The following NOTCH4 variants were observed in gnomAD, a reference collection of about 807,000 sequenced individuals.
NOTCH4 encodes neurogenic locus notch homolog protein 4.
Under a neutral mutation model 189.0 loss-of-function variants are expected in NOTCH4, and 138 were observed. That is an observed-to-expected ratio of 0.73 (90% CI 0.64 to 0.84). NOTCH4 has a LOEUF of 0.84. Among genes scored for constraint, NOTCH4 ranks in the 40% least tolerant of loss-of-function variants. The pLI is 0.00. For missense variants in NOTCH4, 2,286 were observed against 2,605.4 expected, an observed-to-expected ratio of 0.88 and a Z score of 2.67; for synonymous variants, 942 against 1,032.8, an observed-to-expected ratio of 0.91 and a Z score of 1.69.
rs769023681 is a variant in NOTCH4 at position 32,201,461 on chromosome 6, G to A, written c.3795C>T (p.Asn1265=). The A allele has an allele frequency of 3.2e-5, 49 of 1,526,644 alleles. 1 individual carries two copies. The highest frequency in any genetic ancestry group is 3.5e-4 in the Middle Eastern group (2 of 5,648). The allele number at this position is 1,526,644 out of a possible 1,614,324, so 94.6% of individuals were successfully genotyped here. ...YDQYCHDHFH[N]GHCEKGCNTA... is the part of the protein sequence containing the mutation. ...TGTTGCAGCCTTTCTCACAGTGCCCGTTGTGGAAGTGATCATGGCAGTACT... is the reference window on the plus strand; with the variant it reads ...TGTTGCAGCCTTTCTCACAGTGCCCATTGTGGAAGTGATCATGGCAGTACT... The change falls in exon 22 of 30, where the codon AAC becomes AAT. Residue 1265 remains asparagine (N), a synonymous_variant. Coordinates refer to ENST00000375023, the MANE Select transcript of NOTCH4 (RefSeq NM_004557.4). This position sits in a 1 kb window ranked among gnomAD's most constrained non-coding sequence, Gnocchi z 5.5.
In NOTCH4 at chr6:32,196,073, G is replaced by A; in HGVS notation, c.5376C>T (p.Ala1792=). Residue 1792 remains alanine, a synonymous_variant, in exon 30 of 30, where the codon GCC becomes GCT. Coordinates refer to ENST00000375023, the MANE Select transcript of NOTCH4 (RefSeq NM_004557.4). ...GCCCAGCCTGGTCCCGCAGCTCTCGGGCTGCCCCCAGCCCCAGCAGTAGCT... is the reference window on the plus strand; with the variant it reads ...GCCCAGCCTGGTCCCGCAGCTCTCGAGCTGCCCCCAGCCCCAGCAGTAGCT... ...VAQLLLGLGA[A]RELRDQAGLA... 1.9e-6 allele frequency: 3 copies of A among 1,593,388 alleles called. No homozygotes were observed. The highest frequency in any genetic ancestry group is 2.5e-6 in the Non-Finnish European group (3 of 1,176,898).
intron 18 of NOTCH4, among the ~76,000 whole-genome samples, chr6:32,205,256 G>C (rs778179220): frequency 6.6e-6 from 1 of 152,008 alleles, no homozygotes. Context: ...CTTCATAAAA[G>C]AAGAAGTAAA....
At position 32,195,160 on chromosome 6, in the gene NOTCH4, T is replaced by C; in HGVS notation, c.*277A>G. On this transcript the variant is annotated 3_prime_UTR_variant, in exon 30 of 30. Transcript: ENST00000375023. The surrounding 1 kb of genome is among the most constrained non-coding windows in gnomAD (Gnocchi z 5.4). ...TATGCCTGCAATTCTTGGTTCCAAC[T>C]TAGGGGTATTTCCACTCCACTCTGC... 1 of 465,978 alleles carries C rather than the reference T, an allele frequency of 2.1e-6. No individual in the cohort carries two copies. The allele number at this position is 465,978 out of a possible 1,614,324, so 28.9% of individuals were successfully genotyped here. A position where few individuals can be genotyped will look rare whatever the true frequency, so the allele number is the denominator to read the frequency against.
intron 28 of NOTCH4, 118 bp downstream of exon 28, chr6:32,196,807 C>G (rs1787968256): frequency 7.5e-7 from 1 of 1,341,578 alleles, no homozygotes; most frequent in Non-Finnish European, 1.0e-6. Flanking sequence ...CTCAGATTGA[C>G]CGCCGTAACA....
rs758095914 is a variant in NOTCH4, at chr6:32,223,918, G to A, written c.11C>T (p.Pro4Leu). The change falls in exon 1 of 30, where the codon CCT becomes CTT. Residue 4 changes from proline (P) to leucine (L), a missense_variant. Physicochemically the swap from Pro to Leu is moderately conservative, Grantham distance 98. This residue lies in a region of NOTCH4 where 1,903 missense variants were observed against 2,261.9 expected (regional missense o/e 0.84). Coordinates refer to ENST00000375023, the MANE Select transcript of NOTCH4 (RefSeq NM_004557.4). MQP[P>L]SLLLLLLLLL... Reference sequence around the variant, plus strand: ...CAGCAGCAGCAGCAGCAGCAGTGAAGGGGGCTGCATTCCACAGCCCCTTCT... The same window carrying A: ...CAGCAGCAGCAGCAGCAGCAGTGAAAGGGGCTGCATTCCACAGCCCCTTCT... The A allele has an allele frequency of 8.6e-6, 13 of 1,518,670 alleles. No individual in the cohort carries two copies. The South Asian group carries it at 1.0e-4, about 12-fold the overall frequency. The allele number at this position is 1,518,670 out of a possible 1,614,324, so 94.1% of individuals were successfully genotyped here. A position where few individuals can be genotyped will look rare whatever the true frequency, so the allele number is the denominator to read the frequency against.
chr6:32,205,907 GGCAC>G (rs1788648411), intron 18 of NOTCH4, among the ~76,000 whole-genome samples: 1 of 151,568 alleles, frequency 6.6e-6, no homozygotes, highest in Non-Finnish European at 1.5e-5. Flanking sequence ...TGTGGTGGCA[GGCAC>G]CTGTAATCCC....
rs911402506 is a variant in NOTCH4 at position 32,201,220 on chromosome 6, G to T, written c.4036C>A (p.Arg1346=). The change falls in exon 22 of 30, where the codon CGG becomes AGG. Residue 1346 remains arginine, a synonymous_variant. Transcript: ENST00000375023. This position sits in a 1 kb window ranked among gnomAD's most constrained non-coding sequence, Gnocchi z 5.5. ...GTTCCTCCTAGCTTTTCTTCAGCCC[G>T]GGCCCCAGGATAGGGGTACACCATG... is the stretch of plus-strand genomic sequence containing the variant. ...RDMVYPYPGA[R]AEEKLGGTRD... 1.2e-6 allele frequency: 2 copies of T among 1,612,980 alleles called. No homozygotes were observed. Among genetic ancestry groups the T allele is most frequent in the East Asian group, 4.5e-5 (2 of 44,880 alleles).
In NOTCH4 at chr6:32,219,708, G is replaced by C; in HGVS notation, c.1394C>G (p.Pro465Arg). The C allele has an allele frequency of 6.2e-7, 1 of 1,613,138 alleles. No homozygotes were observed. The change falls in exon 8 of 30, where the codon CCT becomes CGT. Residue 465 changes from proline to arginine, a missense_variant. Physicochemically the swap from Pro to Arg is moderately radical, Grantham distance 103. This residue lies in a region of NOTCH4 where 1,903 missense variants were observed against 2,261.9 expected (regional missense o/e 0.84). Transcript: ENST00000375023. ...CTCACAACGGGAGCCTGTGTAGCCA[G>C]GTGGACAGAGGCAGTTGAAGGAGCC... The part of the protein sequence containing the change: ...TPGSFNCLCP[P>R]GYTGSRCEAD...
At chr6:32,205,572 A>AAT (rs1788625158) in intron 18 of NOTCH4, among the ~76,000 whole-genome samples, 2 of 150,096 alleles carry the variant, frequency 1.3e-5, no homozygotes, top group Non-Finnish European at 3.0e-5. Flanking sequence ...AAAAAAAAAA[A>AAT]GAATAAGTAA....
chr6:32,220,698 A>T (rs1319588126), intron 5 of NOTCH4, 57 bp from the exon 6 acceptor site: 29 of 1,612,392 alleles, frequency 1.8e-5, no homozygotes, highest in Middle Eastern at 1.6e-4. Flanking sequence ...TGAGTAGGGG[A>T]GGCCAGGGGC....
At position 32,214,164 on chromosome 6, in the gene NOTCH4, TC is replaced by T. The variant is rs2127479440; in HGVS notation, c.2112del (p.Thr705ProfsTer26). The T allele has an allele frequency of 3.7e-6, 6 of 1,613,208 alleles. No homozygotes were observed. Among genetic ancestry groups the T allele is most frequent in the Non-Finnish European group, 5.1e-6 (6 of 1,179,718 alleles). On this transcript the variant is annotated frameshift_variant, in exon 13 of 30. Transcript: ENST00000375023. LOFTEE classifies it high-confidence loss of function. ...GCISAPCAHG[G>X]TCYPQPSGYN... Reference sequence around the variant, plus strand: ...TAGCCAGAGGGCTGGGGGTAGCAGGTCCCCCCATGGGCACAGGGTGCAGAGA... The same window carrying T: ...TAGCCAGAGGGCTGGGGGTAGCAGGTCCCCCATGGGCACAGGGTGCAGAGA...
intron 14 of NOTCH4, 54 bp from the exon 15 acceptor site, chr6:32,213,306 G>T: frequency 1.6e-6 from 2 of 1,246,664 alleles, no homozygotes; most frequent in Non-Finnish European, 1.2e-6. Context: ...CCTGGCCTGT[G>T]ACCTCAGTCA....
chr6:32,223,284 C>A (rs554134979), intron 1 of NOTCH4, among the ~76,000 whole-genome samples, 198 bp from the exon 2 acceptor site: 2 of 151,984 alleles, frequency 1.3e-5, no homozygotes, highest in Non-Finnish European at 2.9e-5. Flanking sequence ...CTAATCCCTA[C>A]CCCCCTTTCC....
At chr6:32,206,175 C>T (rs558039567) in intron 18 of NOTCH4, among the ~76,000 whole-genome samples, 3 of 152,226 alleles carry the variant, frequency 2.0e-5, no homozygotes, top group African/African-American at 7.2e-5. Flanking sequence ...TGCTCACTTT[C>T]ACTATTTTTA....
rs892872071 is a variant in NOTCH4, at chr6:32,201,269, T to C, written c.3987A>G (p.Val1329=). ...LSLTLRVGLW[V]RKDRDGRDMV... Reference sequence around the variant, plus strand: ...TGTCCCTGCCATCACGATCCTTCCTTACCCAGAGTCCTACCCTCAGAGTCA... The same window carrying C: ...TGTCCCTGCCATCACGATCCTTCCTCACCCAGAGTCCTACCCTCAGAGTCA... Residue 1329 remains valine, a synonymous_variant, in exon 22 of 30, where the codon GTA becomes GTG. Transcript: ENST00000375023. This position sits in a 1 kb window ranked among gnomAD's most constrained non-coding sequence, Gnocchi z 5.5. 1 of 1,612,952 alleles carries C rather than the reference T, an allele frequency of 6.2e-7. No individual in the cohort carries two copies. The highest frequency in any genetic ancestry group is 8.5e-7 in the Non-Finnish European group (1 of 1,179,978).
chr6:32,217,197 T>C lies in NOTCH4; in HGVS notation c.1694A>G (p.Gln565Arg). Residue 565 changes from glutamine to arginine, a missense_variant, in exon 10 of 30, where the codon CAG becomes CGG. Transcript: ENST00000375023. This position sits in a 1 kb window ranked among gnomAD's most constrained non-coding sequence, Gnocchi z 4.2. Reference sequence around the variant, plus strand: ...GAAGGCTCCAGGCTGGTCCTGGCACTGCCCACCATTGGCACAGGGAGAGCT... The same window carrying C: ...GAAGGCTCCAGGCTGGTCCTGGCACCGCCCACCATTGGCACAGGGAGAGCT... ...CRSSPCANGG[Q>R]CQDQPGAFHC... 1 of 1,613,070 alleles carries C rather than the reference T, an allele frequency of 6.2e-7. No homozygotes were observed. The highest frequency in any genetic ancestry group is 1.7e-5 in the Admixed American group (1 of 60,024).
rs116239362 is a variant in NOTCH4, at chr6:32,209,995, A to C, written c.2865+757T>G. Among the ~76,000 whole-genome samples the C allele has an allele frequency of 4.0e-3, 602 of 152,292 alleles. 6 individuals carry two copies. Among genetic ancestry groups the C allele is most frequent in the African/African-American group, 0.014 (562 of 41,564 alleles). On this transcript the variant is annotated intron_variant, in intron 18 of 29. Coordinates refer to ENST00000375023, the MANE Select transcript of NOTCH4 (RefSeq NM_004557.4). The stretch of plus-strand genomic sequence containing the variant: ...AAATAAAATGGCAACCACACACACA[A>C]AAAAGTTGTGGTTCTGAGCATATGA...
rs1443776429 is a variant in NOTCH4 at position 32,210,232 on chromosome 6, A to G, written c.2865+520T>C. Among the ~76,000 whole-genome samples, 1 of 152,142 alleles carries G rather than the reference A, an allele frequency of 6.6e-6. No homozygotes were observed. The highest frequency in any genetic ancestry group is 1.5e-5 in the Non-Finnish European group (1 of 68,012). On this transcript the variant is annotated intron_variant, in intron 18 of 29. Transcript: ENST00000375023. This position sits in a 1 kb window ranked among gnomAD's most constrained non-coding sequence, Gnocchi z 4.8. ...TAAAGGCTGAGAGGCAAGAATCAGT[A>G]TGGGGTACGTGGCAAAGTCAGCAGC... is the stretch of plus-strand genomic sequence containing the variant.
In NOTCH4 at chr6:32,197,086, G is replaced by A. The variant is rs540704785; in HGVS notation, c.5053-14C>T. 20 of 1,611,634 alleles carry A rather than the reference G, an allele frequency of 1.2e-5. No homozygotes were observed. In the Admixed American group the frequency reaches 1.7e-4, roughly 13 times the overall value. On this transcript the variant is annotated splice_polypyrimidine_tract_variant and intron_variant, in intron 27 of 29. Coordinates refer to ENST00000375023, the MANE Select transcript of NOTCH4 (RefSeq NM_004557.4). ...ACGGAGCAGAAGCTGGGGAGACAGA[G>A]GGCCAGTGACCCCTGGGGTACCTTG...
Sources: gnomAD v4.1 joint callset for allele counts (sites outside exome capture counted in the v4.1 genomes callset) on GRCh38, gnomAD v4.1.1 for gene constraint, gnomAD v4.1.1 regional missense constraint, Gnocchi (gnomAD v3.1) non-coding constraint, MANE v1.5 for transcripts, NCBI Gene and HGNC (gene_info 2026-07-23, HGNC 2026-07-21) for gene names.